TTLL13: variants seen among roughly 807,000 people sequenced by gnomAD.
TTLL13 encodes tubulin polyglutamylase TTLL13.
the TTLL13 span, chr15:90,262,073 G>T: frequency 6.5e-7 from 1 of 1,536,024 alleles, no homozygotes; most frequent in Non-Finnish European, 8.7e-7. Context: ...TTCTCACCTG[G>T]GAAAATACCG....
the TTLL13 span, chr15:90,265,431 C>T: frequency 3.1e-6 from 4 of 1,299,858 alleles, no homozygotes; most frequent in South Asian, 7.2e-5. Flanking sequence ...GGAGGGACGG[C>T]TCTTGGAAAC....
the TTLL13 span, chr15:90,258,586 A>G: frequency 1.5e-6 from 1 of 657,592 alleles, no homozygotes; most frequent in Non-Finnish European, 2.6e-6. Flanking sequence ...GGAGATCTCT[A>G]TGGCAGAGTT....
At chr15:90,261,821 C>A in the TTLL13 span, among the ~76,000 whole-genome samples, 1 of 152,190 alleles carries the variant, frequency 6.6e-6, no homozygotes, top group African/African-American at 2.4e-5. Flanking sequence ...GGAAGTCAAG[C>A]CTATTTTCAT....
the TTLL13 span, chr15:90,255,940 C>T: frequency 6.2e-7 from 1 of 1,612,168 alleles, no homozygotes; most frequent in South Asian, 1.1e-5. Flanking sequence ...AAGGGTCGCT[C>T]TCAGAGCTCT....
At chr15:90,261,199 C>T in the TTLL13 span, among the ~76,000 whole-genome samples, 2 of 151,274 alleles carry the variant, frequency 1.3e-5, no homozygotes, top group Admixed American at 1.3e-4. Flanking sequence ...CTGCCTCAGC[C>T]TCCCAAGTAG....
At chr15:90,263,136 T>C in the TTLL13 span, 31 of 1,525,648 alleles carry the variant, frequency 2.0e-5, no homozygotes, top group Non-Finnish European at 2.6e-5. Context: ...AAAAACTTCA[T>C]GAGAGTCGGG....
chr15:90,256,553 CTTTCTTTCTT>C, the TTLL13 span, among the ~76,000 whole-genome samples: 2 of 77,174 alleles, frequency 2.6e-5, no homozygotes, highest in African/African-American at 1.4e-4. Context: ...CTTTTTCTTT[CTTTCTTTCTT>C]TCTTTCTTTC....
the TTLL13 span, chr15:90,259,020 G>T: frequency 2.5e-6 from 4 of 1,597,388 alleles, no homozygotes; most frequent in South Asian, 1.1e-5. Context: ...GGGCTGATTT[G>T]CTATCAAAAA....
At chr15:90,256,235 ACCCGAAATC>A in the TTLL13 span, 3 of 1,614,146 alleles carry the variant, frequency 1.9e-6, no homozygotes, top group East Asian at 6.7e-5. Flanking sequence ...CATCTTCATT[ACCCGAAATC>A]CCCGGGAGAT....
At chr15:90,259,834 G>A in the TTLL13 span, among the ~76,000 whole-genome samples, 1 of 152,304 alleles carries the variant, frequency 6.6e-6, no homozygotes, top group East Asian at 1.9e-4. Context: ...TGTAAAATGA[G>A]TTACAAACAT....
At chr15:90,262,435 AC>A in the TTLL13 span, 1 of 1,421,952 alleles carries the variant, frequency 7.0e-7, no homozygotes, top group Non-Finnish European at 9.2e-7. Context: ...ATTTTTCCTC[AC>A]CCCTCTTCTC....
the TTLL13 span, chr15:90,264,804 A>C: frequency 1.3e-4 from 201 of 1,536,056 alleles, 2 homozygotes; most frequent in South Asian, 2.0e-3. Context: ...AAGCAGGGCT[A>C]TTTTCTGCAA....
the TTLL13 span, among the ~76,000 whole-genome samples, chr15:90,252,197 A>C: frequency 6.6e-6 from 1 of 152,010 alleles, no homozygotes; most frequent in African/African-American, 2.4e-5. Context: ...GTGCCACCAC[A>C]TCTGGCTAAT....
At chr15:90,263,503 C>T in the TTLL13 span, 10 of 517,650 alleles carry the variant, frequency 1.9e-5, no homozygotes, top group East Asian at 2.7e-4. Flanking sequence ...CTGCCAGTGC[C>T]CCAGCTCTAA....
At chr15:90,263,171 G>C in the TTLL13 span, 1 of 1,501,694 alleles carries the variant, frequency 6.7e-7, no homozygotes, top group African/African-American at 1.4e-5. Context: ...AAGTCTCCCA[G>C]AGGAAAAGGG....
At chr15:90,261,880 T>C in the TTLL13 span, 1 of 727,384 alleles carries the variant, frequency 1.4e-6, no homozygotes, top group Non-Finnish European at 2.1e-6. Context: ...CAGCTTTCCC[T>C]ACTTGGGCAG....
chr15:90,262,724 T>C, the TTLL13 span: 1 of 1,410,496 alleles, frequency 7.1e-7, no homozygotes, highest in East Asian at 2.5e-5. Context: ...TTGGGACAAC[T>C]AGATAGGGGA....
At chr15:90,265,284 A>C in the TTLL13 span, 2 of 1,225,092 alleles carry the variant, frequency 1.6e-6, no homozygotes, top group Non-Finnish European at 2.0e-6. Context: ...GCTGGAGGCC[A>C]TCCAGGAGAC....
chr15:90,264,988 A>G, the TTLL13 span: 13 of 1,525,232 alleles, frequency 8.5e-6, no homozygotes, highest in East Asian at 3.0e-4. Flanking sequence ...GAAGCACTCT[A>G]CCTCTCCTGG....
Sources: gnomAD v4.1 joint callset for allele counts (sites outside exome capture counted in the v4.1 genomes callset) on GRCh38, gnomAD v4.1.1 for gene constraint, MANE v1.5 for transcripts, NCBI Gene and HGNC (gene_info 2026-07-23, HGNC 2026-07-21) for gene names.